Variants in CTPS2 observed in about 807,000 individuals in gnomAD.
CTPS2 encodes CTP synthase 2, also known as CTP synthase II.
A neutral mutation model predicts 46.8 loss-of-function variants in CTPS2; 19 were observed. The ratio of observed to expected loss-of-function variants is 0.41; its 90% CI spans 0.28 to 0.60. The LOEUF is 0.60. Ranked by LOEUF, CTPS2 falls within the 20% of genes least tolerant of loss-of-function variation. The probability of loss-of-function intolerance (pLI) is 0.35; values close to 1 mark genes in which losing one functional copy is unlikely to be tolerated. For synonymous variants in CTPS2, 151 were observed against 165.2 expected, an observed-to-expected ratio of 0.91 and a Z score of 0.66; for missense variants, 286 against 447.6, an observed-to-expected ratio of 0.64 and a Z score of 3.26.
At position 16,663,811 on chromosome X, in the gene CTPS2, CT is replaced by C. The variant is rs756779337; in HGVS notation, c.1296+3702del. On this transcript the variant is annotated intron_variant, in intron 13 of 18. Transcript: ENST00000359276. ...CTGTACCTTTTTCTGCAGGGCTTAA[CT>C]TTTTTACTCTGTGTAAAAAAAAATT... 9.0e-5 allele frequency among the ~76,000 whole-genome samples: 10 copies of C among 111,160 alleles called. No homozygotes were observed. In the East Asian group the frequency reaches 2.8e-3, roughly 32 times the overall value.
At chrX:16,655,705 G>A (rs1005420256) in intron 13 of CTPS2, among the ~76,000 whole-genome samples, 4 of 111,902 alleles carry the variant, frequency 3.6e-5, no homozygotes, top group South Asian at 3.7e-4. Flanking sequence ...ACTCTCCTCC[G>A]CAAAACACCC....
chrX:16,618,088 C>T (rs1391952732), intron 15 of CTPS2, among the ~76,000 whole-genome samples: 1 of 111,374 alleles, frequency 9.0e-6, no homozygotes, highest in Non-Finnish European at 1.9e-5. Flanking sequence ...AACCTCATCC[C>T]CCAACCCCCC....
At chrX:16,646,731 GT>G (rs1569210199) in intron 13 of CTPS2, among the ~76,000 whole-genome samples, 2 of 112,023 alleles carry the variant, frequency 1.8e-5, no homozygotes, top group Admixed American at 1.9e-4. Context: ...TACTAACACT[GT>G]ACCCTCTTCC....
chrX:16,683,288 T>C (rs1466653843), intron 8 of CTPS2, 62 bp from the exon 9 acceptor site: 1 of 1,117,190 alleles, frequency 9.0e-7, no homozygotes, highest in East Asian at 3.0e-5. Flanking sequence ...AACAGAACAA[T>C]GGCAGCTGCT....
intron 6 of CTPS2, among the ~76,000 whole-genome samples, 162 bp downstream of exon 6, chrX:16,692,979 C>T (rs867967760): frequency 9.2e-6 from 1 of 108,430 alleles, no homozygotes; most frequent in African/African-American, 3.4e-5. Flanking sequence ...ATCGCTTGAA[C>T]CCAGGAGGCG....
chrX:16,588,371 T>C lies in CTPS2; in HGVS notation c.*1446A>G, dbSNP rs1256911453. On this transcript the variant is annotated 3_prime_UTR_variant, in exon 19 of 19. Coordinates refer to ENST00000359276, the MANE Select transcript of CTPS2 (RefSeq NM_175859.3). ...GATCTCCTAAGGCCAGTTCCTGGAA[T>C]TGTTTAAGTAAAAGACATGGTTAAG... The C allele has an allele frequency of 1.8e-5, 2 of 112,221 alleles. No individual in the cohort carries two copies. The highest frequency in any genetic ancestry group is 6.5e-5 in the African/African-American group (2 of 30,862). 9.2% of individuals were successfully genotyped at this position (112,221 alleles called of 1,213,427 possible). A position where few individuals can be genotyped will look rare whatever the true frequency, so the allele number is the denominator to read the frequency against.
rs767206037 is a variant in CTPS2 at position 16,590,859 on chromosome X, A to T, written c.1695T>A (p.Asp565Glu). 1.7e-6 allele frequency: 2 copies of T among 1,178,924 alleles called. No individual in the cohort carries two copies. Among genetic ancestry groups the T allele is most frequent in the East Asian group, 6.0e-5 (2 of 33,567 alleles). The change falls in exon 18 of 19, where the codon GAT becomes GAA. Residue 565 changes from aspartate (D) to glutamate (E), a missense_variant. Asp to Glu is a conservative substitution (Grantham distance 45). Transcript: ENST00000359276. Reference protein sequence around the residue: ...LQQGCKLSSSDRYSDASDDSF... With the variant: ...LQQGCKLSSSERYSDASDDSF... ...TGTCATCACTGGCATCACTGTATCTATCACTAGATTAAAAGAGGAACTAAT... is the reference window on the plus strand; with the variant it reads ...TGTCATCACTGGCATCACTGTATCTTTCACTAGATTAAAAGAGGAACTAAT...
intron 8 of CTPS2, among the ~76,000 whole-genome samples, chrX:16,685,069 C>T (rs1420393309): frequency 2.7e-5 from 3 of 110,454 alleles, no homozygotes; most frequent in South Asian, 3.9e-4. Flanking sequence ...CCAGCCTGGG[C>T]GACAGAGCCA....
chrX:16,598,048 T>A (rs1929390012), intron 17 of CTPS2, among the ~76,000 whole-genome samples: 1 of 108,373 alleles, frequency 9.2e-6, no homozygotes, highest in Non-Finnish European at 1.9e-5. Context: ...TGATTTTGTA[T>A]CCTGAGACTT....
chrX:16,634,178 G>T (rs1378077989), intron 14 of CTPS2, among the ~76,000 whole-genome samples: 1 of 111,805 alleles, frequency 8.9e-6, no homozygotes, highest in Non-Finnish European at 1.9e-5. Context: ...CCATGGATAT[G>T]CAGTTAATAC....
intron 17 of CTPS2, among the ~76,000 whole-genome samples, chrX:16,599,476 C>CTTTTTTTTTTTTTTTT (rs56794396): frequency 2.3e-5 from 2 of 86,203 alleles, no homozygotes; most frequent in Non-Finnish European, 4.5e-5. Flanking sequence ...TCTTTTTTTT[C>CTTTTTTTTTTTTTTTT]TTTTTTTTTT....
At chrX:16,678,669 T>C (rs762081994) in intron 9 of CTPS2, among the ~76,000 whole-genome samples, 1 of 110,922 alleles carries the variant, frequency 9.0e-6, no homozygotes, top group African/African-American at 3.3e-5. Flanking sequence ...TATACTGTGA[T>C]AATGGCTATG....
chrX:16,628,589 G>C lies in CTPS2; in HGVS notation c.1394-8257C>G, dbSNP rs141414913. The stretch of plus-strand genomic sequence containing the variant: ...CCATGTTGGCCAGGCTGGTCTCAAA[G>C]TCCTGACCTCAAGTGATTCACCCAC... On this transcript the variant is annotated intron_variant, in intron 14 of 18. Coordinates refer to ENST00000359276, the MANE Select transcript of CTPS2 (RefSeq NM_175859.3). 3.4e-3 allele frequency among the ~76,000 whole-genome samples: 381 copies of C among 110,969 alleles called. 1 individual carries two copies. Among genetic ancestry groups the C allele is most frequent in the African/African-American group, 0.011 (347 of 30,529 alleles).
At chrX:16,592,104 A>AGTGT (rs764861395) in intron 17 of CTPS2, among the ~76,000 whole-genome samples, 1 of 103,118 alleles carries the variant, frequency 9.7e-6, no homozygotes, top group Non-Finnish European at 2.0e-5. Context: ...ATGGGGCTGG[A>AGTGT]GTGTGTGTGT....
In CTPS2 at chrX:16,712,354, C is replaced by T. The variant is rs1356282251; in HGVS notation, c.-59G>A. Reference sequence around the variant, plus strand: ...AGTTACCTGCGCGGTGGTGGTAGCACCGGGGAGGGTGGCCGGTGGGCACGG... The same window carrying T: ...AGTTACCTGCGCGGTGGTGGTAGCATCGGGGAGGGTGGCCGGTGGGCACGG... On this transcript the variant is annotated 5_prime_UTR_variant, in exon 1 of 19. The change creates a new upstream start codon in the 5' untranslated region. Coordinates refer to ENST00000359276, the MANE Select transcript of CTPS2 (RefSeq NM_175859.3). 8.9e-6 allele frequency: 1 copy of T among 112,426 alleles called. No homozygotes were observed. The highest frequency in any genetic ancestry group is 1.9e-5 in the Non-Finnish European group (1 of 53,064). The allele number at this position is 112,426 out of a possible 1,213,427, so 9.3% of individuals were successfully genotyped here.
At chrX:16,693,642 T>C (rs930361974) in intron 4 of CTPS2, among the ~76,000 whole-genome samples, 155 bp from the exon 5 acceptor site, 2 of 110,865 alleles carry the variant, frequency 1.8e-5, no homozygotes, top group Non-Finnish European at 3.8e-5. Flanking sequence ...CACTAAATTG[T>C]GGCTGGGTAT....
intron 4 of CTPS2, among the ~76,000 whole-genome samples, chrX:16,695,057 G>A (rs1024113153): frequency 2.7e-5 from 3 of 111,726 alleles, no homozygotes; most frequent in Non-Finnish European, 5.6e-5. Context: ...CATGCAATCA[G>A]GAACTTGGCA....
At chrX:16,709,848 C>CAAAAAAAAAAAA (rs35017705) in intron 1 of CTPS2, among the ~76,000 whole-genome samples, 1 of 23,752 alleles carries the variant, frequency 4.2e-5, no homozygotes, top group African/African-American at 1.8e-4. Flanking sequence ...ACTCTGTCTC[C>CAAAAAAAAAAAA]AAAAAAAAAA....
In CTPS2 at chrX:16,683,026, T is replaced by C. The variant is rs373883955; in HGVS notation, c.1005+68A>G. On this transcript the variant is annotated intron_variant, in intron 9 of 18. Coordinates refer to ENST00000359276, the MANE Select transcript of CTPS2 (RefSeq NM_175859.3). ...ATCTCAGGGACCCTTTAACAAAACT[T>C]GCCCCTCTGGAACATGTGCTATTGG... 87 of 1,160,155 alleles carry C rather than the reference T, an allele frequency of 7.5e-5. 1 individual carries two copies. The highest frequency in any genetic ancestry group is 7.5e-4 in the African/African-American group (42 of 56,086).
Sources: gnomAD v4.1 joint callset for allele counts (sites outside exome capture counted in the v4.1 genomes callset) on GRCh38, gnomAD v4.1.1 for gene constraint, MANE v1.5 for transcripts, NCBI Gene and HGNC (gene_info 2026-07-23, HGNC 2026-07-21) for gene names.